Variants in ZFHX3 observed in about 807,000 individuals in gnomAD.
ZFHX3 encodes the protein zinc finger homeobox protein 3.
In ZFHX3, 42 loss-of-function variants were observed where a neutral mutation model predicts 279.1. The observed-to-expected ratio is 0.15, with a 90% CI of 0.12 to 0.19. The LOEUF (loss-of-function observed/expected upper bound fraction) is 0.19, where lower values mean the gene tolerates loss of function less well. Ranked by LOEUF, ZFHX3 falls within the 10% of genes least tolerant of loss-of-function variation. The pLI is 1.00. For synonymous variants in ZFHX3, 2,293 were observed against 1,957.8 expected, an observed-to-expected ratio of 1.17 and a Z score of -4.52; for missense variants, 4,981 against 4,754.0, an observed-to-expected ratio of 1.05 and a Z score of -1.40.
chr16:73,818,715 A>C (rs1386044595), intron 1 of ZFHX3, among the ~76,000 whole-genome samples: 5 of 152,220 alleles, frequency 3.3e-5, no homozygotes, highest in Admixed American at 3.3e-4. Context: ...ATTGTGCTGG[A>C]AAGTGTCCCT....
intron 1 of ZFHX3, among the ~76,000 whole-genome samples, chr16:73,764,062 C>T (rs1465829012): frequency 2.0e-5 from 3 of 152,156 alleles, no homozygotes; most frequent in Admixed American, 2.0e-4. Flanking sequence ...GACTCCTGAC[C>T]TACAGAAACT....
intron 1 of ZFHX3, among the ~76,000 whole-genome samples, chr16:73,774,402 G>A (rs953364940): frequency 2.6e-5 from 4 of 152,092 alleles, no homozygotes; most frequent in African/African-American, 9.7e-5. Flanking sequence ...AGTCCATGCT[G>A]GCTTTAGAAC....
intron 3 of ZFHX3, among the ~76,000 whole-genome samples, chr16:72,920,126 G>C (rs950176627): frequency 6.6e-6 from 1 of 151,746 alleles, no homozygotes; most frequent in Non-Finnish European, 1.5e-5. Context: ...TGCACTGTAA[G>C]CCACAAGAAC....
At chr16:73,620,901 C>T (rs1278031787) in intron 2 of ZFHX3, among the ~76,000 whole-genome samples, 1 of 152,154 alleles carries the variant, frequency 6.6e-6, no homozygotes, top group Non-Finnish European at 1.5e-5. Flanking sequence ...AGAAAAGGAC[C>T]AGATCTTTGG....
At chr16:73,010,491 C>T (rs542546251) in intron 1 of ZFHX3, among the ~76,000 whole-genome samples, 1 of 152,344 alleles carries the variant, frequency 6.6e-6, no homozygotes, top group East Asian at 1.9e-4. Context: ...ATAGTATAAT[C>T]CACATTTCAG....
intron 4 of ZFHX3, among the ~76,000 whole-genome samples, chr16:73,273,580 C>G (rs181256835): frequency 6.6e-6 from 1 of 152,316 alleles, no homozygotes; most frequent in Non-Finnish European, 1.5e-5. Context: ...ACACTCTTCT[C>G]CACTTCTTTT....
intron 6 of ZFHX3, among the ~76,000 whole-genome samples, chr16:73,136,749 A>C (rs1247469865): frequency 6.7e-6 from 1 of 149,890 alleles, no homozygotes; most frequent in Non-Finnish European, 1.5e-5. Context: ...AAAAAAAAAA[A>C]AGTAATGGCC....
chr16:73,469,181 G>T (rs2018620977), intron 2 of ZFHX3, among the ~76,000 whole-genome samples: 1 of 152,216 alleles, frequency 6.6e-6, no homozygotes, highest in South Asian at 2.1e-4. Context: ...GGAAAGGACA[G>T]AGGCTGCTGG....
chr16:73,873,382 C>G (rs549152486), intron 1 of ZFHX3, among the ~76,000 whole-genome samples: 1 of 151,948 alleles, frequency 6.6e-6, no homozygotes, highest in Non-Finnish European at 1.5e-5. Context: ...GCAACAAGTT[C>G]ATCAACTACA....
At chr16:73,044,299 T>C (rs890846514) in intron 1 of ZFHX3, among the ~76,000 whole-genome samples, 2 of 152,178 alleles carry the variant, frequency 1.3e-5, no homozygotes, top group Non-Finnish European at 2.9e-5. Flanking sequence ...GTTTTTACAG[T>C]AACGCCCCCA....
At chr16:73,112,973 T>A (rs186101134) in intron 7 of ZFHX3, among the ~76,000 whole-genome samples, 396 of 152,138 alleles carry the variant, frequency 2.6e-3, no homozygotes, top group African/African-American at 9.3e-3. Flanking sequence ...TGCGCCTTGG[T>A]TCACTGGACA....
chr16:73,548,613 ATT>A (rs1465418455), intron 2 of ZFHX3, among the ~76,000 whole-genome samples: 3 of 150,232 alleles, frequency 2.0e-5, no homozygotes, highest in Middle Eastern at 3.4e-3. Flanking sequence ...AAATATGTAC[ATT>A]TTTTTAAAAA....
intron 1 of ZFHX3, among the ~76,000 whole-genome samples, chr16:73,803,586 G>A (rs1156362666): frequency 6.6e-6 from 1 of 152,194 alleles, no homozygotes; most frequent in East Asian, 1.9e-4. Flanking sequence ...GTAGAAGGAT[G>A]TTTATTTAAT....
At chr16:73,463,120 T>C (rs1306410075) in intron 2 of ZFHX3, among the ~76,000 whole-genome samples, 2 of 152,218 alleles carry the variant, frequency 1.3e-5, no homozygotes, top group South Asian at 4.1e-4. Context: ...TCTTAGTCCA[T>C]AATACTCATA....
intron 1 of ZFHX3, among the ~76,000 whole-genome samples, chr16:73,859,833 C>G (rs1428494482): frequency 6.6e-6 from 1 of 152,146 alleles, no homozygotes; most frequent in Non-Finnish European, 1.5e-5. Context: ...GGGTTCAGAG[C>G]CTTTTTACAA....
At chr16:73,391,450 T>C (rs1330659605) in intron 3 of ZFHX3, among the ~76,000 whole-genome samples, 1 of 82,062 alleles carries the variant, frequency 1.2e-5, no homozygotes, top group Non-Finnish European at 2.9e-5. Context: ...AAACTCTGTC[T>C]CAAAAAAAAA....
rs2035801602 is a variant in ZFHX3, at chr16:72,793,921, C to T, written c.8761G>A (p.Ala2921Thr). The change falls in exon 9 of 10, where the codon GCA becomes ACA. Residue 2921 changes from alanine (A) to threonine (T), a missense_variant. This residue lies in a region of ZFHX3 where 168 missense variants were observed against 249.1 expected (regional missense o/e 0.67). Coordinates refer to ENST00000268489, the MANE Select transcript of ZFHX3 (RefSeq NM_006885.4). The surrounding 1 kb of genome is among the most constrained non-coding windows in gnomAD (Gnocchi z 4.3). ...TVDYSETSSLADPCSPSPGAS... is the reference protein window; with the variant it reads ...TVDYSETSSLTDPCSPSPGAS... The stretch of plus-strand genomic sequence containing the variant: ...CCAGGACTCGGGGAGCAGGGATCTG[C>T]AAGGCTTGAGGTTTCACTGTAGTCC... 2 of 1,614,208 alleles carry T rather than the reference C, an allele frequency of 1.2e-6. No homozygotes were observed. The highest frequency in any genetic ancestry group is 3.3e-5 in the Admixed American group (2 of 60,026).
chr16:73,062,818 G>A (rs191479706), upstream of ZFHX3, among the ~76,000 whole-genome samples: 5 of 152,316 alleles, frequency 3.3e-5, no homozygotes, highest in Admixed American at 2.0e-4. Context: ...CTAAGGAAGG[G>A]GTTGGAGGGT....
intron 1 of ZFHX3, among the ~76,000 whole-genome samples, chr16:73,818,552 C>A (rs1305437177): frequency 6.6e-6 from 1 of 152,194 alleles, no homozygotes. Flanking sequence ...AGACCCCTGG[C>A]CACTCTGCTC....
Sources: allele counts gnomAD v4.1 joint callset (sites outside exome capture counted in the v4.1 genomes callset), GRCh38; gene constraint gnomAD v4.1.1; regional missense constraint gnomAD v4.1.1; non-coding constraint Gnocchi (gnomAD v3.1); transcripts MANE v1.5; gene names NCBI Gene and HGNC (gene_info 2026-07-23, HGNC 2026-07-21).